TEX14: variants seen among roughly 807,000 people sequenced by gnomAD.
TEX14 encodes testis expressed 14, intercellular bridge forming factor.
TEX14 carries 168 observed loss-of-function variants against 178.6 expected under a neutral mutation model. The observed-to-expected ratio is 0.94, with a 90% CI of 0.83 to 1.07. The LOEUF (loss-of-function observed/expected upper bound fraction) is 1.07, where lower values mean the gene tolerates loss of function less well. Among genes scored for constraint, TEX14 ranks in the 50% least tolerant of loss-of-function variants. The pLI is 0.00. For missense variants in TEX14, 1,730 were observed against 1,753.6 expected (o/e 0.99, Z 0.24); for synonymous variants, 626 against 634.1 (o/e 0.99, Z 0.19).
intron 3 of TEX14, among the ~76,000 whole-genome samples, chr17:58,628,182 A>C (rs1307237509): frequency 6.6e-6 from 1 of 152,164 alleles, no homozygotes; most frequent in Non-Finnish European, 1.5e-5. Context: ...CTGGTTACTT[A>C]ATTCTCATAC....
At chr17:58,619,536 G>A (rs779535128) in intron 5 of TEX14, among the ~76,000 whole-genome samples, 1 of 152,082 alleles carries the variant, frequency 6.6e-6, no homozygotes, top group Non-Finnish European at 1.5e-5. Context: ...GGGCGGGCAC[G>A]GTGGCTCACG....
chr17:58,679,419 T>C (rs1346304330), intron 1 of TEX14: 1 of 147,220 alleles, frequency 6.8e-6, no homozygotes, highest in Non-Finnish European at 1.5e-5. Context: ...AAAATGACCA[T>C]TAGAAGGCAT....
At chr17:58,648,603 T>A (rs1026314779) in intron 2 of TEX14, among the ~76,000 whole-genome samples, 1 of 152,112 alleles carries the variant, frequency 6.6e-6, no homozygotes, top group Non-Finnish European at 1.5e-5. Flanking sequence ...TGTGTCACTC[T>A]GGTGGCAGCT....
chr17:58,624,195 A>C (rs1044721435), intron 3 of TEX14, among the ~76,000 whole-genome samples: 2 of 152,010 alleles, frequency 1.3e-5, no homozygotes, highest in Non-Finnish European at 2.9e-5. Context: ...TGAGGCTAAG[A>C]ATGGCGTAAT....
chr17:58,557,696 CTT>C (rs1319592080), intron 31 of TEX14, 101 bp downstream of exon 31: 1 of 869,996 alleles, frequency 1.1e-6, no homozygotes, highest in African/African-American at 1.7e-5. Flanking sequence ...AAATTGGAGT[CTT>C]TGTCATTAAT....
chr17:58,605,013 T>C lies in TEX14; in HGVS notation c.1301A>G (p.Tyr434Cys), dbSNP rs2045571682. 2.5e-6 allele frequency: 4 copies of C among 1,614,216 alleles called. No individual in the cohort carries two copies. The highest frequency in any genetic ancestry group is 2.2e-5 in the South Asian group (2 of 91,080). ...CTCCTGCATGATCATAGAAAAGCTG[T>C]AGATGTCTGATTTCACTGTGGCTGC... is the stretch of plus-strand genomic sequence containing the variant. ...QKAATVKSDI[Y>C]SFSMIMQEIL... The change falls in exon 11 of 32, where the codon TAC (tyrosine) becomes TGC (cysteine). Residue 434 changes from tyrosine to cysteine, a missense_variant. Tyr to Cys is a radical substitution (Grantham distance 194). Around this residue, in one of 2 missense-constraint regions of TEX14, gnomAD observed 789 missense variants for 681.2 expected, o/e 1.16. Transcript: ENST00000349033.
At chr17:58,624,341 C>CTTT (rs34422419) in intron 3 of TEX14, among the ~76,000 whole-genome samples, 7 of 128,622 alleles carry the variant, frequency 5.4e-5, no homozygotes, top group South Asian at 2.6e-4. Flanking sequence ...CTTTTCTTTT[C>CTTT]TTTTTTTTTT....
At chr17:58,587,751 AGCCC>A (rs1381900841) in intron 16 of TEX14, 85 bp from the exon 17 acceptor site, 1 of 1,164,406 alleles carries the variant, frequency 8.6e-7, no homozygotes, top group Non-Finnish European at 1.3e-6. Flanking sequence ...CAGAACCAAA[AGCCC>A]ACCAGCCCAT....
At chr17:58,657,567 T>C (rs891938630) in intron 1 of TEX14, among the ~76,000 whole-genome samples, 2 of 132,556 alleles carry the variant, frequency 1.5e-5, no homozygotes, top group African/African-American at 5.8e-5. Flanking sequence ...CAAGTTAGAG[T>C]GCAGTTGTGG....
chr17:58,631,663 G>C (rs927476315), intron 2 of TEX14: 2 of 149,388 alleles, frequency 1.3e-5, no homozygotes, highest in South Asian at 2.1e-4. Context: ...GCCTTCTCTA[G>C]AGAAGAACGG....
chr17:58,639,388 A>G (rs1567752372), intron 2 of TEX14, among the ~76,000 whole-genome samples: 2 of 151,982 alleles, frequency 1.3e-5, no homozygotes, highest in Admixed American at 6.6e-5. Flanking sequence ...CCAAAATCTC[A>G]CAAGTCACCA....
At chr17:58,631,799 A>C (rs571824959) in intron 2 of TEX14, 4 of 152,188 alleles carry the variant, frequency 2.6e-5, no homozygotes, top group African/African-American at 9.6e-5. Flanking sequence ...ACTCCTCGAG[A>C]AACACACTAT....
chr17:58,587,843 A>ACCCACCCCCCCCCCCCC, intron 16 of TEX14, 53 bp downstream of exon 16: 2 of 1,118,856 alleles, frequency 1.8e-6, no homozygotes, highest in Admixed American at 1.7e-5. Context: ...GGGTGCCAGA[A>ACCCACCCCCCCCCCCCC]CCCACCCCCA....
intron 2 of TEX14, 42 bp from the exon 3 acceptor site, chr17:58,630,596 T>G: frequency 6.9e-7 from 1 of 1,453,302 alleles, no homozygotes; most frequent in Non-Finnish European, 9.7e-7. Context: ...ATCAGAAAAT[T>G]TCCTGAGAAG....
rs1387022569 is a variant in TEX14 at position 58,561,571 on chromosome 17, T to C, written c.4106A>G (p.Gln1369Arg). Reference sequence around the variant, plus strand: ...TAGCTCCACGCTCTCCTCAGGTGGCTGCAGCCATCTTTCCAGGTCCTCATC... The same window carrying C: ...TAGCTCCACGCTCTCCTCAGGTGGCCGCAGCCATCTTTCCAGGTCCTCATC... ...TLDEDLERWL[Q>R]PPEESVELQD... is the part of the protein sequence containing the mutation. Residue 1369 changes from glutamine (Q) to arginine (R), a missense_variant, in exon 29 of 32, where the codon CAG becomes CGG. Physicochemically the swap from Gln to Arg is conservative, Grantham distance 43. This residue lies in a region of TEX14 where 941 missense variants were observed against 1,072.4 expected (regional missense o/e 0.88). Coordinates refer to ENST00000349033, the MANE Select transcript of TEX14 (RefSeq NM_031272.5). 4 of 1,614,142 alleles carry C rather than the reference T, an allele frequency of 2.5e-6. No individual in the cohort carries two copies. Among genetic ancestry groups the C allele is most frequent in the Non-Finnish European group, 3.4e-6 (4 of 1,179,958 alleles).
chr17:58,558,722 A>G (rs2044206812), intron 30 of TEX14, among the ~76,000 whole-genome samples: 6 of 152,174 alleles, frequency 3.9e-5, no homozygotes, highest in Admixed American at 2.6e-4. Context: ...AGCCTTCAAA[A>G]TCTATCAAAA....
chr17:58,680,467 C>A (rs1196563634), intron 1 of TEX14, among the ~76,000 whole-genome samples: 5 of 152,134 alleles, frequency 3.3e-5, no homozygotes, highest in African/African-American at 1.2e-4. Context: ...GCAGGCCGGA[C>A]GCTGTGACTC....
rs1340659953 is a variant in TEX14 at position 58,607,705 on chromosome 17, T to C, written c.1185-2576A>G. Among the ~76,000 whole-genome samples the C allele has an allele frequency of 3.8e-4, 58 of 152,354 alleles. 1 individual carries two copies. The highest frequency in any genetic ancestry group is 1.0e-4 in the Non-Finnish European group (7 of 68,030). ...GTGGTACCTTTCTCTCAATAGCAGA[T>C]GGCGATCCATCACTGACAAAAGTGC... On this transcript the variant is annotated intron_variant, in intron 10 of 31. Coordinates refer to ENST00000349033, the MANE Select transcript of TEX14 (RefSeq NM_031272.5).
Position 58,581,592 on chromosome 17 carries a change from C to T in TEX14, c.3172-1861G>A, listed in dbSNP as rs182611626. On this transcript the variant is annotated intron_variant, in intron 19 of 31. Transcript: ENST00000349033. ...GGAGAAAGGTGAAAAGGTACTTTACCCTGAACTGCGTTTTTTACCTCTAGA... is the reference window on the plus strand; with the variant it reads ...GGAGAAAGGTGAAAAGGTACTTTACTCTGAACTGCGTTTTTTACCTCTAGA... 73 of 1,612,102 alleles carry T rather than the reference C, an allele frequency of 4.5e-5. No homozygotes were observed. The African/African-American group carries it at 6.7e-4, about 15-fold the overall frequency.
Sources: allele counts gnomAD v4.1 joint callset (sites outside exome capture counted in the v4.1 genomes callset), GRCh38; gene constraint gnomAD v4.1.1; regional missense constraint gnomAD v4.1.1; transcripts MANE v1.5; gene names NCBI Gene and HGNC (gene_info 2026-07-23, HGNC 2026-07-21).